HUNK: variants seen among roughly 807,000 people sequenced by gnomAD.
HUNK encodes the protein hormonally up-regulated neu tumor-associated kinase.
Under a neutral mutation model 61.0 loss-of-function variants are expected in HUNK, and 21 were observed. The ratio of observed to expected loss-of-function variants is 0.34; its 90% CI spans 0.24 to 0.50. The LOEUF (loss-of-function observed/expected upper bound fraction) is 0.50, where lower values mean the gene tolerates loss of function less well. Among genes scored for constraint, HUNK ranks in the 20% least tolerant of loss-of-function variants. HUNK has a pLI of 0.98. For missense variants in HUNK, 772 were observed against 945.7 expected, an observed-to-expected ratio of 0.82 and a Z score of 2.41; for synonymous variants, 371 against 386.1, an observed-to-expected ratio of 0.96 and a Z score of 0.46.
At position 31,983,557 on chromosome 21, in the gene HUNK, A is replaced by G; in HGVS notation, c.1205A>G (p.Lys402Arg). 6.2e-7 allele frequency: 1 copy of G among 1,613,960 alleles called. No individual in the cohort carries two copies. Among genetic ancestry groups the G allele is most frequent in the Non-Finnish European group, 8.5e-7 (1 of 1,179,982 alleles). Reference sequence around the variant, plus strand: ...GACATCCAGGACAGCCTCTGCTACAAGACCCGGCTCTACCAGATAGAAAAG... The same window carrying G: ...GACATCCAGGACAGCCTCTGCTACAGGACCCGGCTCTACCAGATAGAAAAG... ...KSDIQDSLCY[K>R]TRLYQIEKYR... Residue 402 changes from lysine (K) to arginine (R), a missense_variant, in exon 8 of 11, where the codon AAG becomes AGG. Physicochemically the swap from Lys to Arg is conservative, Grantham distance 26. Around this residue, in one of 2 missense-constraint regions of HUNK, gnomAD observed 413 missense variants for 444.4 expected, o/e 0.93. Transcript: ENST00000270112.
At chr21:31,932,091 G>T (rs544809693) in intron 2 of HUNK, among the ~76,000 whole-genome samples, 4 of 152,008 alleles carry the variant, frequency 2.6e-5, no homozygotes, top group Non-Finnish European at 5.9e-5. Context: ...TCTCCCCCAC[G>T]TGCATGCACA....
intron 1 of HUNK, among the ~76,000 whole-genome samples, chr21:31,915,697 G>A (rs1333920553): frequency 6.6e-6 from 1 of 152,134 alleles, no homozygotes; most frequent in Non-Finnish European, 1.5e-5. Flanking sequence ...ACAGGAGGAA[G>A]GGATGAATTT....
chr21:31,965,137 G>A (rs9976085), intron 5 of HUNK, among the ~76,000 whole-genome samples: 17,558 of 152,030 alleles, frequency 0.12, 1,420 homozygotes, highest in Non-Finnish European at 0.18. Flanking sequence ...TTTGATTTTC[G>A]GGTTATTATA....
At chr21:31,949,837 C>T in intron 4 of HUNK, among the ~76,000 whole-genome samples, 1 of 152,236 alleles carries the variant, frequency 6.6e-6, no homozygotes, top group Admixed American at 6.5e-5. Context: ...GCAGAGATCA[C>T]ATGGTGGGAG....
At chr21:31,892,363 C>G (rs1275557034) in intron 1 of HUNK, among the ~76,000 whole-genome samples, 1 of 151,268 alleles carries the variant, frequency 6.6e-6, no homozygotes, top group African/African-American at 2.4e-5. Flanking sequence ...ATCAGGAGTT[C>G]AAGACCAGCT....
chr21:31,985,854 C>G (rs1274758256), intron 8 of HUNK, among the ~76,000 whole-genome samples: 1 of 152,152 alleles, frequency 6.6e-6, no homozygotes, highest in Non-Finnish European at 1.5e-5. Context: ...AGTGACACTG[C>G]AGTGAAGGGA....
chr21:31,884,601 A>T (rs2048944867), intron 1 of HUNK, among the ~76,000 whole-genome samples: 1 of 151,302 alleles, frequency 6.6e-6, no homozygotes, highest in African/African-American at 2.4e-5. Context: ...TCAAAAAAAA[A>T]ATAAATAAAT....
intron 1 of HUNK, among the ~76,000 whole-genome samples, chr21:31,888,925 A>G (rs2123791764): frequency 6.6e-6 from 1 of 152,312 alleles, no homozygotes. Flanking sequence ...TTGTTAGCAG[A>G]CTTCCTCAAT....
At chr21:31,947,324 T>G (rs7275557) in intron 4 of HUNK, among the ~76,000 whole-genome samples, 22,322 of 121,748 alleles carry the variant, frequency 0.18, 2,603 homozygotes, top group Middle Eastern at 0.33. Flanking sequence ...CACATCCCGG[T>G]CTCAAGCCAG....
chr21:31,903,027 G>A (rs995601608), intron 1 of HUNK, among the ~76,000 whole-genome samples: 1 of 151,606 alleles, frequency 6.6e-6, no homozygotes, highest in Non-Finnish European at 1.5e-5. Flanking sequence ...CGGGAGAGAG[G>A]TGGAATTTGC....
chr21:31,998,836 G>A lies in HUNK; in HGVS notation c.1797G>A (p.Leu599=). Residue 599 remains leucine, a synonymous_variant, in exon 11 of 11, where the codon CTG becomes CTA. Transcript: ENST00000270112. ...LARRNSSERT[L]SPGLPSGSMS... Reference sequence around the variant, plus strand: ...GCAGAAATTCCAGCGAGAGGACGCTGTCCCCGGGTCTGCCATCCGGAAGCA... The same window carrying A: ...GCAGAAATTCCAGCGAGAGGACGCTATCCCCGGGTCTGCCATCCGGAAGCA... 6.2e-7 allele frequency: 1 copy of A among 1,614,178 alleles called. No individual in the cohort carries two copies.
At chr21:31,986,182 C>G (rs2053131509) in intron 8 of HUNK, among the ~76,000 whole-genome samples, 1 of 152,026 alleles carries the variant, frequency 6.6e-6, no homozygotes, top group African/African-American at 2.4e-5. Flanking sequence ...ATCTAGCACG[C>G]TCTGAACCAG....
In HUNK at chr21:31,998,833, G is replaced by A. The variant is rs564684356; in HGVS notation, c.1794G>A (p.Thr598=). ...SLARRNSSER[T]LSPGLPSGSM... The stretch of plus-strand genomic sequence containing the variant: ...CTCGCAGAAATTCCAGCGAGAGGAC[G>A]CTGTCCCCGGGTCTGCCATCCGGAA... Residue 598 remains threonine, a synonymous_variant, in exon 11 of 11, where the codon ACG becomes ACA. Coordinates refer to ENST00000270112, the MANE Select transcript of HUNK (RefSeq NM_014586.2). 21 of 1,614,148 alleles carry A rather than the reference G, an allele frequency of 1.3e-5. 1 individual carries two copies. The South Asian group carries it at 1.8e-4, about 14-fold the overall frequency.
chr21:31,990,452 G>A (rs563050176), intron 9 of HUNK, among the ~76,000 whole-genome samples: 1 of 151,780 alleles, frequency 6.6e-6, no homozygotes, highest in African/African-American at 2.4e-5. Context: ...TTGACTGATT[G>A]GATGAGACCC....
intron 1 of HUNK, among the ~76,000 whole-genome samples, chr21:31,889,520 G>A (rs1033222969): frequency 1.5e-4 from 23 of 152,144 alleles, no homozygotes; most frequent in Non-Finnish European, 3.1e-4. Context: ...GAAACTAGTC[G>A]ATGACTCAGT....
At chr21:31,988,865 T>G (rs2053152560) in intron 8 of HUNK, among the ~76,000 whole-genome samples, 1 of 151,100 alleles carries the variant, frequency 6.6e-6, no homozygotes, top group Non-Finnish European at 1.5e-5. Context: ...CTTTCTCGGT[T>G]TCCAGACCAA....
At chr21:31,881,912 G>T (rs2052310904) in intron 1 of HUNK, among the ~76,000 whole-genome samples, 2 of 152,122 alleles carry the variant, frequency 1.3e-5, no homozygotes, top group Admixed American at 1.3e-4. Context: ...TCAGGGCTCT[G>T]TTGTGTTTCT....
At chr21:31,926,081 G>T (rs887539491) in intron 2 of HUNK, among the ~76,000 whole-genome samples, 1 of 152,150 alleles carries the variant, frequency 6.6e-6, no homozygotes, top group Non-Finnish European at 1.5e-5. Flanking sequence ...ACAACGCCCG[G>T]CTAATTTTTT....
At chr21:31,878,339 C>T (rs984152645) in intron 1 of HUNK, among the ~76,000 whole-genome samples, 6 of 151,510 alleles carry the variant, frequency 4.0e-5, no homozygotes, top group East Asian at 1.9e-4. Context: ...TTAGAAACCA[C>T]GTATAATGTT....
Sources: allele counts gnomAD v4.1 joint callset (sites outside exome capture counted in the v4.1 genomes callset), GRCh38; gene constraint gnomAD v4.1.1; regional missense constraint gnomAD v4.1.1; transcripts MANE v1.5; gene names NCBI Gene and HGNC (gene_info 2026-07-23, HGNC 2026-07-21).